MICU3: variants seen among roughly 807,000 people sequenced by gnomAD.
MICU3 encodes mitochondrial calcium uptake 3, also known as calcium uptake protein 3, mitochondrial.
A neutral mutation model predicts 66.5 loss-of-function variants in MICU3; 62 were observed. The ratio of observed to expected loss-of-function variants is 0.93; its 90% CI spans 0.76 to 1.15. MICU3 has a LOEUF of 1.15. MICU3 is among the 50% of genes most tolerant of loss of function. The probability of loss-of-function intolerance (pLI) is 0.00; values close to 1 mark genes in which losing one functional copy is unlikely to be tolerated. For synonymous variants in MICU3, 308 were observed against 240.7 expected (o/e 1.28, Z -2.59); for missense variants, 779 against 664.4 (o/e 1.17, Z -1.90).
intron 1 of MICU3, among the ~76,000 whole-genome samples, chr8:17,047,496 T>G (rs1815285687): frequency 6.6e-6 from 1 of 152,196 alleles, no homozygotes; most frequent in African/African-American, 2.4e-5. Context: ...GACATTAATC[T>G]TCAGATTCAT....
At position 17,121,519 on chromosome 8, in the gene MICU3, C is replaced by T. The variant is rs1175535610; in HGVS notation, c.*1232C>T. On this transcript the variant is annotated 3_prime_UTR_variant, in exon 15 of 15. Transcript: ENST00000318063. Reference sequence around the variant, plus strand: ...AAATAGAACAATTAGTCTGAATTAACGTATTTACATATTGCATATGGAAGA... The same window carrying T: ...AAATAGAACAATTAGTCTGAATTAATGTATTTACATATTGCATATGGAAGA... 6.6e-6 allele frequency: 1 copy of T among 152,022 alleles called. No individual in the cohort carries two copies. Among genetic ancestry groups the T allele is most frequent in the African/African-American group, 2.4e-5 (1 of 41,382 alleles). The allele number at this position is 152,022 out of a possible 1,614,324, so 9.4% of individuals were successfully genotyped here. A position where few individuals can be genotyped will look rare whatever the true frequency, so the allele number is the denominator to read the frequency against.
intron 1 of MICU3, chr8:17,049,497 G>A (rs541123114): frequency 1.6e-5 from 8 of 488,640 alleles, no homozygotes; most frequent in Non-Finnish European, 2.4e-5. Flanking sequence ...AATCTTTACA[G>A]TTTGTGGGCT....
rs779940320 is a variant in MICU3 at position 17,090,537 on chromosome 8, C to G, written c.850-9C>G. 6.2e-7 allele frequency: 1 copy of G among 1,609,940 alleles called. No homozygotes were observed. The highest frequency in any genetic ancestry group is 1.3e-5 in the African/African-American group (1 of 74,634). Reference sequence around the variant, plus strand: ...GACACTTCATTTGGCCCTTTGTGCTCTATGTCAGCGTCTTCAACTTTATGG... The same window carrying G: ...GACACTTCATTTGGCCCTTTGTGCTGTATGTCAGCGTCTTCAACTTTATGG... On this transcript the variant is annotated splice_polypyrimidine_tract_variant and intron_variant, in intron 7 of 14. Coordinates refer to ENST00000318063, the MANE Select transcript of MICU3 (RefSeq NM_181723.3).
chr8:17,036,675 A>T (rs1813051730), intron 1 of MICU3, among the ~76,000 whole-genome samples: 1 of 152,128 alleles, frequency 6.6e-6, no homozygotes, highest in Admixed American at 6.5e-5. Flanking sequence ...CAGGGTGCTG[A>T]TTGGTGTGTT....
At chr8:17,048,478 A>G (rs1323479036) in intron 1 of MICU3, among the ~76,000 whole-genome samples, 3 of 152,200 alleles carry the variant, frequency 2.0e-5, no homozygotes, top group Admixed American at 1.3e-4. Flanking sequence ...TCACTATCAC[A>G]AGAACAGTGT....
At chr8:17,050,615 G>A (rs554814980) in intron 1 of MICU3, among the ~76,000 whole-genome samples, 1 of 152,198 alleles carries the variant, frequency 6.6e-6, no homozygotes, top group Non-Finnish European at 1.5e-5. Context: ...TCTCAGCCAT[G>A]ATTGTGAACT....
Position 17,113,317 on chromosome 8 carries a change from C to T in MICU3, c.1258-776C>T, listed in dbSNP as rs1802379730. 1.3e-5 allele frequency among the ~76,000 whole-genome samples: 2 copies of T among 152,186 alleles called. 1 individual carries two copies. Among genetic ancestry groups the T allele is most frequent in the South Asian group, 4.1e-4 (2 of 4,824 alleles). ...AATTATGTTAATTTGCTGAGGAGAA[C>T]CCATTAACTAAATGCAGCTCCTCTT... is the stretch of plus-strand genomic sequence containing the variant. On this transcript the variant is annotated intron_variant, in intron 11 of 14. Transcript: ENST00000318063.
chr8:17,044,186 G>A (rs937358210), intron 1 of MICU3, among the ~76,000 whole-genome samples: 3 of 152,190 alleles, frequency 2.0e-5, no homozygotes, highest in Non-Finnish European at 2.9e-5. Context: ...TTGATGTTCA[G>A]TAGAGTGGTC....
At chr8:17,118,655 C>A in intron 13 of MICU3, 52 bp from the exon 14 acceptor site, 1 of 1,145,980 alleles carries the variant, frequency 8.7e-7, no homozygotes, top group Non-Finnish European at 1.3e-6. Context: ...AGTGAAATCA[C>A]GCTGTATTTG....
rs772491468 is a variant in MICU3 at position 17,027,256 on chromosome 8, G to T, written c.-24G>T. ...CCCCTCCGTTCTCTGCCCCCTCCCA[G>T]CTCTGGTGTGGGCGGCCTCCGCTAT... On this transcript the variant is annotated 5_prime_UTR_variant, in exon 1 of 15. Coordinates refer to ENST00000318063, the MANE Select transcript of MICU3 (RefSeq NM_181723.3). 7 of 804,162 alleles carry T rather than the reference G, an allele frequency of 8.7e-6. No homozygotes were observed. The African/African-American group carries it at 3.4e-4, about 39-fold the overall frequency. The allele number at this position is 804,162 out of a possible 1,614,324, so 49.8% of individuals were successfully genotyped here.
intron 7 of MICU3, among the ~76,000 whole-genome samples, chr8:17,088,183 C>T (rs1173486485): frequency 6.6e-6 from 1 of 151,890 alleles, no homozygotes. Flanking sequence ...TTTGACCATG[C>T]TATAATTCTT....
intron 2 of MICU3, among the ~76,000 whole-genome samples, chr8:17,069,328 T>C (rs978247889): frequency 2.6e-5 from 4 of 152,172 alleles, no homozygotes; most frequent in Non-Finnish European, 5.9e-5. Context: ...TGTTATTTTA[T>C]ATTCTAGTTT....
intron 5 of MICU3, among the ~76,000 whole-genome samples, chr8:17,082,436 C>A (rs1291333344): frequency 2.6e-5 from 4 of 152,134 alleles, no homozygotes; most frequent in Non-Finnish European, 5.9e-5. Context: ...TCTAACATAG[C>A]TCCCTCTCTC....
chr8:17,087,136 CCTTT>C (rs1273258919), intron 7 of MICU3, 101 bp downstream of exon 7: 1 of 787,786 alleles, frequency 1.3e-6, no homozygotes, highest in African/African-American at 1.8e-5. Flanking sequence ...TGAAGCTGTC[CCTTT>C]CTTGAAAACT....
chr8:17,079,319 T>G (rs1273913819), intron 4 of MICU3, among the ~76,000 whole-genome samples: 6 of 152,090 alleles, frequency 3.9e-5, no homozygotes, highest in Admixed American at 3.9e-4. Flanking sequence ...TTTTAAGTAT[T>G]TTAAATTTAA....
chr8:17,075,441 G>T (rs1820236126), intron 3 of MICU3, among the ~76,000 whole-genome samples: 1 of 152,038 alleles, frequency 6.6e-6, no homozygotes, highest in Admixed American at 6.6e-5. Context: ...ATAAACTCGG[G>T]TATGAACCAA....
chr8:17,126,558 G>A (rs931145327), downstream of MICU3, among the ~76,000 whole-genome samples: 5 of 152,190 alleles, frequency 3.3e-5, no homozygotes, highest in African/African-American at 4.8e-5. Context: ...AGATGGGGGC[G>A]TGGTTATATT....
intron 2 of MICU3, among the ~76,000 whole-genome samples, chr8:17,064,737 G>C (rs905994086): frequency 3.3e-5 from 5 of 152,160 alleles, no homozygotes; most frequent in African/African-American, 4.8e-5. Context: ...ACAGAAGACA[G>C]CTGTATTCTC....
intron 3 of MICU3, among the ~76,000 whole-genome samples, chr8:17,076,688 C>T (rs145473331): frequency 6.6e-5 from 10 of 152,274 alleles, no homozygotes; most frequent in Non-Finnish European, 8.8e-5. Context: ...GGTACAGCTG[C>T]GTCAGAAATG....
Sources: allele counts gnomAD v4.1 joint callset (sites outside exome capture counted in the v4.1 genomes callset), GRCh38; gene constraint gnomAD v4.1.1; transcripts MANE v1.5; gene names NCBI Gene and HGNC (gene_info 2026-07-23, HGNC 2026-07-21).